Variants in HIVEP3 observed in about 807,000 individuals in gnomAD.
HIVEP3 encodes transcription factor HIVEP3.
HIVEP3 carries 49 observed loss-of-function variants against 152.8 expected under a neutral mutation model. That is an observed-to-expected ratio of 0.32 (90% confidence interval 0.26 to 0.41). The LOEUF (loss-of-function observed/expected upper bound fraction) is 0.41, where lower values mean the gene tolerates loss of function less well. Ranked by LOEUF, HIVEP3 falls within the 10% of genes least tolerant of loss-of-function variation. The pLI, the probability that HIVEP3 is intolerant of heterozygous loss-of-function variation, is 1.00. For synonymous variants in HIVEP3, 1,269 were observed against 1,289.0 expected (o/e 0.98, Z 0.33); for missense variants, 2,790 against 3,103.3 (o/e 0.90, Z 2.40).
chr1:41,946,359 T>C (rs2124488535), intron 1 of HIVEP3, among the ~76,000 whole-genome samples: 1 of 152,260 alleles, frequency 6.6e-6, no homozygotes, highest in Non-Finnish European at 1.5e-5. Flanking sequence ...CGGGTATGTT[T>C]GACCATTGAG....
rs186651178 is a variant in HIVEP3 at position 41,890,647 on chromosome 1, C to T, written c.-801+27766G>A. Among the ~76,000 whole-genome samples, 105 of 152,296 alleles carry T rather than the reference C, an allele frequency of 6.9e-4. 1 individual carries two copies. The highest frequency in any genetic ancestry group is 2.4e-3 in the African/African-American group (98 of 41,554). ...CTCAGAGAAGTTAAGCAGCTTCCCC[C>T]GGAAAACCAACTTGGTAAGTGGTGG... On this transcript the variant is annotated intron_variant, in intron 1 of 8. Transcript: ENST00000372583.
chr1:42,008,167 TCTGA>T (rs1645471790), intron 1 of HIVEP3, among the ~76,000 whole-genome samples: 1 of 152,118 alleles, frequency 6.6e-6, no homozygotes, highest in South Asian at 2.1e-4. Context: ...AACCAAGAAG[TCTGA>T]CTGAACCCAA....
At chr1:41,895,660 G>T (rs1389156981) in intron 1 of HIVEP3, among the ~76,000 whole-genome samples, 1 of 152,146 alleles carries the variant, frequency 6.6e-6, no homozygotes, top group Non-Finnish European at 1.5e-5. Context: ...CCAAGGGAAG[G>T]CTGTTCTAGC....
chr1:41,548,599 G>C (rs562953018), intron 5 of HIVEP3, among the ~76,000 whole-genome samples: 1 of 151,876 alleles, frequency 6.6e-6, no homozygotes, highest in East Asian at 1.9e-4. Flanking sequence ...ATAGTGGCCC[G>C]ATATCGGCTC....
intron 1 of HIVEP3, among the ~76,000 whole-genome samples, chr1:41,726,144 T>C (rs1463858850): frequency 6.6e-6 from 1 of 152,266 alleles, no homozygotes; most frequent in East Asian, 1.9e-4. Context: ...TTTTCATATT[T>C]TGAAACCAAA....
At chr1:41,537,348 C>G (rs1178464901) in intron 5 of HIVEP3, among the ~76,000 whole-genome samples, 1 of 152,196 alleles carries the variant, frequency 6.6e-6, no homozygotes, top group Non-Finnish European at 1.5e-5. Context: ...TCCCAGGGGG[C>G]ACACTTCTTG....
chr1:41,813,012 C>A (rs888022804), intron 1 of HIVEP3, among the ~76,000 whole-genome samples: 1 of 152,124 alleles, frequency 6.6e-6, no homozygotes, highest in African/African-American at 2.4e-5. Context: ...GGCCCTGATC[C>A]AACCACTTCA....
At chr1:41,556,010 C>T (rs140693770) in intron 5 of HIVEP3, among the ~76,000 whole-genome samples, 142 of 152,270 alleles carry the variant, frequency 9.3e-4, no homozygotes, top group South Asian at 3.5e-3. Flanking sequence ...ATGACTAGAA[C>T]GTATTTTGTT....
Position 41,675,115 on chromosome 1 carries a change from C to T in HIVEP3, c.-721+25801G>A, listed in dbSNP as rs186868331. 4.3e-4 allele frequency among the ~76,000 whole-genome samples: 65 copies of T among 152,286 alleles called. No homozygotes were observed. In the East Asian group the frequency reaches 0.011, roughly 27 times the overall value. The stretch of plus-strand genomic sequence containing the variant: ...ATGTCCTTGACTCCAGGCTTTAATC[C>T]GTACCCCTGTGTGCCCCATGCCTGT... On this transcript the variant is annotated intron_variant, in intron 2 of 8. Coordinates refer to ENST00000372583, the MANE Select transcript of HIVEP3 (RefSeq NM_024503.5).
chr1:41,752,798 A>C (rs903708664), intron 1 of HIVEP3, among the ~76,000 whole-genome samples: 3 of 152,232 alleles, frequency 2.0e-5, no homozygotes, highest in African/African-American at 7.2e-5. Flanking sequence ...TCTGGGTTCT[A>C]TTCAAAGCTT....
intron 5 of HIVEP3, among the ~76,000 whole-genome samples, 196 bp from the exon 6 acceptor site, chr1:41,525,106 T>C (rs918083991): frequency 3.3e-4 from 50 of 151,986 alleles, no homozygotes; most frequent in African/African-American, 1.1e-3. Flanking sequence ...CCTGCGCCCC[T>C]CCCCCTCAGA....
At chr1:41,961,118 T>C (rs890735308) in intron 1 of HIVEP3, among the ~76,000 whole-genome samples, 3 of 152,156 alleles carry the variant, frequency 2.0e-5, no homozygotes, top group Admixed American at 2.0e-4. Context: ...AGTTCTAACA[T>C]TCCTTGTAAG....
chr1:41,816,354 C>T (rs895382520), intron 1 of HIVEP3, among the ~76,000 whole-genome samples: 1 of 152,168 alleles, frequency 6.6e-6, no homozygotes, highest in Non-Finnish European at 1.5e-5. Context: ...TATTTCAGAT[C>T]AAACCCAGAA....
At chr1:41,694,229 C>T (rs1646239189) in intron 2 of HIVEP3, among the ~76,000 whole-genome samples, 1 of 151,996 alleles carries the variant, frequency 6.6e-6, no homozygotes, top group Non-Finnish European at 1.5e-5. Context: ...ATTTTGGTAC[C>T]ACCTTCTTGA....
chr1:41,730,815 G>T (rs1371082322), intron 1 of HIVEP3, among the ~76,000 whole-genome samples: 7 of 152,220 alleles, frequency 4.6e-5, no homozygotes, highest in Non-Finnish European at 8.8e-5. Flanking sequence ...ACAGGTGGGA[G>T]GCTGGGGGGT....
At chr1:41,735,636 A>G (rs2124195553) in intron 1 of HIVEP3, among the ~76,000 whole-genome samples, 1 of 152,006 alleles carries the variant, frequency 6.6e-6, no homozygotes, top group Non-Finnish European at 1.5e-5. Flanking sequence ...CAGGCTGGAG[A>G]TATGTCTCCA....
intron 5 of HIVEP3, among the ~76,000 whole-genome samples, chr1:41,546,447 G>C (rs1558050101): frequency 1.3e-5 from 2 of 152,218 alleles, no homozygotes; most frequent in Non-Finnish European, 2.9e-5. Context: ...AACAGATGCA[G>C]CTGTCCAGAG....
intron 1 of HIVEP3, among the ~76,000 whole-genome samples, chr1:41,997,376 G>A (rs975163153): frequency 1.3e-5 from 2 of 152,158 alleles, no homozygotes; most frequent in African/African-American, 4.8e-5. Context: ...CCCCATTTTT[G>A]ACTCAGCAAC....
rs192587606 is a variant in HIVEP3 at position 41,998,583 on chromosome 1, T to C, written n.119+37224A>G. On this transcript the variant is annotated intron_variant and non_coding_transcript_variant, in intron 1 of 3. Coordinates refer to the HIVEP3 transcript ENST00000489103. Reference sequence around the variant, plus strand: ...TTTAATATCCTGAGAATAAATACCTTGTGTATGGCTTAGTTCTGTCAAATG... The same window carrying C: ...TTTAATATCCTGAGAATAAATACCTCGTGTATGGCTTAGTTCTGTCAAATG... Among the ~76,000 whole-genome samples, 6 of 152,272 alleles carry C rather than the reference T, an allele frequency of 3.9e-5. No individual in the cohort carries two copies. In the East Asian group the frequency reaches 1.2e-3, roughly 29 times the overall value.
Sources: allele counts gnomAD v4.1 joint callset (sites outside exome capture counted in the v4.1 genomes callset), GRCh38; gene constraint gnomAD v4.1.1; transcripts MANE v1.5; gene names NCBI Gene and HGNC (gene_info 2026-07-23, HGNC 2026-07-21).